DPP10: variants seen among roughly 807,000 people sequenced by gnomAD.
DPP10 encodes the protein dipeptidyl peptidase like 10.
DPP10 carries 33 observed loss-of-function variants against 120.9 expected under a neutral mutation model. That is an observed-to-expected ratio of 0.27 (90% CI 0.21 to 0.37). DPP10 has a LOEUF of 0.37. Among genes scored for constraint, DPP10 ranks in the 10% least tolerant of loss-of-function variants. DPP10 has a pLI of 1.00. For synonymous variants in DPP10, 337 were observed against 326.1 expected (o/e 1.03, Z -0.36); for missense variants, 816 against 942.8 (o/e 0.87, Z 1.76).
At chr2:115,662,009 G>C (rs13022167) in intron 5 of DPP10, among the ~76,000 whole-genome samples, 21,266 of 152,018 alleles carry the variant, frequency 0.14, 1,652 homozygotes, top group Non-Finnish European at 0.16. Context: ...CTCTGACTGA[G>C]AGCTTCTCAT....
At chr2:115,723,648 G>T (rs892756793) in intron 7 of DPP10, among the ~76,000 whole-genome samples, 2 of 149,634 alleles carry the variant, frequency 1.3e-5, no homozygotes, top group Non-Finnish European at 3.0e-5. Flanking sequence ...ACACGGCTAG[G>T]TCCCAGGTTT....
At chr2:114,833,259 A>G (rs184642437) in intron 1 of DPP10, 1 of 147,596 alleles carries the variant, frequency 6.8e-6, no homozygotes, top group African/African-American at 2.5e-5. Context: ...TTGTGATTAT[A>G]CAGCCAATAT....
chr2:115,133,972 T>TA (rs1195506485), intron 1 of DPP10, among the ~76,000 whole-genome samples: 1 of 152,208 alleles, frequency 6.6e-6, no homozygotes, highest in Non-Finnish European at 1.5e-5. Flanking sequence ...GTCCCCACGT[T>TA]AACAGACAAC....
intron 1 of DPP10, among the ~76,000 whole-genome samples, chr2:114,868,618 G>A (rs1394636445): frequency 6.6e-6 from 1 of 152,104 alleles, no homozygotes; most frequent in Non-Finnish European, 1.5e-5. Flanking sequence ...GTTTCACTTT[G>A]TATTAAATTA....
chr2:115,207,578 G>T (rs2056233028), intron 1 of DPP10, among the ~76,000 whole-genome samples: 1 of 152,144 alleles, frequency 6.6e-6, no homozygotes. Context: ...ATCACACGTA[G>T]ATGGGAAGGT....
intron 1 of DPP10, among the ~76,000 whole-genome samples, chr2:115,166,599 G>A (rs902515010): frequency 1.7e-5 from 2 of 115,978 alleles, no homozygotes; most frequent in African/African-American, 7.1e-5. Flanking sequence ...AAGGCATTTT[G>A]TTTATTAAGA....
intron 1 of DPP10, among the ~76,000 whole-genome samples, chr2:114,999,837 GA>G (rs1396178588): frequency 6.6e-6 from 1 of 151,880 alleles, no homozygotes; most frequent in Non-Finnish European, 1.5e-5. Flanking sequence ...TTGATGTGGG[GA>G]AAAGCAAAGC....
At chr2:115,599,708 T>G (rs1055370514) in intron 5 of DPP10, among the ~76,000 whole-genome samples, 3 of 152,152 alleles carry the variant, frequency 2.0e-5, no homozygotes, top group Admixed American at 2.0e-4. Flanking sequence ...TAATTTTGAA[T>G]TGCATCCTGG....
intron 1 of DPP10, among the ~76,000 whole-genome samples, chr2:114,783,733 C>T (rs1471163914): frequency 6.6e-6 from 1 of 151,970 alleles, no homozygotes; most frequent in Admixed American, 6.6e-5. Flanking sequence ...ACTTGGAGGG[C>T]TGAGGTGGGA....
At chr2:115,455,862 C>A (rs1376507274) in intron 3 of DPP10, among the ~76,000 whole-genome samples, 1 of 152,044 alleles carries the variant, frequency 6.6e-6, no homozygotes, top group Admixed American at 6.6e-5. Context: ...ACCATAAAAA[C>A]CCTAGAAGAA....
At chr2:114,837,390 C>G (rs569591246) in intron 1 of DPP10, among the ~76,000 whole-genome samples, 1 of 152,266 alleles carries the variant, frequency 6.6e-6, no homozygotes, top group Admixed American at 6.5e-5. Flanking sequence ...GATTGTATGG[C>G]TATTCAGACG....
chr2:115,699,780 A>G (rs1003024960), intron 7 of DPP10, among the ~76,000 whole-genome samples: 1 of 152,232 alleles, frequency 6.6e-6, no homozygotes, highest in East Asian at 1.9e-4. Flanking sequence ...AAAATTCTCA[A>G]CAAAATACTA....
At chr2:115,446,556 A>G (rs1287614279) in intron 3 of DPP10, among the ~76,000 whole-genome samples, 3 of 83,340 alleles carry the variant, frequency 3.6e-5, no homozygotes, top group Non-Finnish European at 6.3e-5. Context: ...ACAGACTAAG[A>G]GTATTTAAGG....
At chr2:115,733,893 A>G (rs759115892) in intron 8 of DPP10, among the ~76,000 whole-genome samples, 3 of 152,232 alleles carry the variant, frequency 2.0e-5, no homozygotes, top group Non-Finnish European at 4.4e-5. Flanking sequence ...AATTGGAATG[A>G]AATGCCATTT....
At chr2:114,667,394 A>G (rs75256331) in intron 1 of DPP10, among the ~76,000 whole-genome samples, 14,508 of 152,224 alleles carry the variant, frequency 0.095, 967 homozygotes, top group Admixed American at 0.2. Context: ...AACCTGAAGG[A>G]TAAGCTCCTT....
rs537755065 is a variant in DPP10 at position 115,218,877 on chromosome 2, A to T, written c.61-90362A>T. ...TTGAAGGAAAGTCAATGTAGTTTTT[A>T]TAATACATTTTTACTAAGAGGGACC... is the stretch of plus-strand genomic sequence containing the variant. On this transcript the variant is annotated intron_variant, in intron 1 of 25. Transcript: ENST00000410059. 5.3e-5 allele frequency among the ~76,000 whole-genome samples: 8 copies of T among 152,196 alleles called. No individual in the cohort carries two copies. In the East Asian group the frequency reaches 1.5e-3, roughly 29 times the overall value.
intron 1 of DPP10, among the ~76,000 whole-genome samples, chr2:114,737,455 G>A (rs1240329028): frequency 6.6e-6 from 1 of 152,208 alleles, no homozygotes; most frequent in Non-Finnish European, 1.5e-5. Flanking sequence ...CTGCCTGACA[G>A]ATAAACATCC....
chr2:115,540,997 G>T (rs956379138), intron 5 of DPP10, among the ~76,000 whole-genome samples: 1 of 151,720 alleles, frequency 6.6e-6, no homozygotes, highest in African/African-American at 2.4e-5. Flanking sequence ...CTAAGCAAAA[G>T]CATTTTTGTA....
chr2:115,029,738 G>A (rs1703712733), intron 1 of DPP10, among the ~76,000 whole-genome samples: 1 of 151,988 alleles, frequency 6.6e-6, no homozygotes, highest in African/African-American at 2.4e-5. Context: ...TATTATTTCA[G>A]TTCTGAGATA....
Sources: allele counts gnomAD v4.1 joint callset (sites outside exome capture counted in the v4.1 genomes callset), GRCh38; gene constraint gnomAD v4.1.1; transcripts MANE v1.5; gene names NCBI Gene and HGNC (gene_info 2026-07-23, HGNC 2026-07-21).